Variants in PLCB3 observed in about 807,000 individuals in gnomAD.
The protein encoded by PLCB3 is 1-phosphatidylinositol 4,5-bisphosphate phosphodiesterase beta-3.
Under a neutral mutation model 152.1 loss-of-function variants are expected in PLCB3, and 54 were observed. The ratio of observed to expected loss-of-function variants is 0.36; its 90% CI spans 0.29 to 0.45. The LOEUF (loss-of-function observed/expected upper bound fraction) is 0.45. Ranked by LOEUF, PLCB3 falls within the 20% of genes least tolerant of loss-of-function variation. The pLI is 1.00. For missense variants in PLCB3, 1,248 were observed against 1,687.5 expected (o/e 0.74, Z 4.56); for synonymous variants, 717 against 698.7 (o/e 1.03, Z -0.41).
chr11:64,266,763 C>T lies in PLCB3; in HGVS notation c.3414+211C>T, dbSNP rs2032143090. ...TTGGCGTCCTTGGGCCCAGTCCTCT[C>T]ACAACCCTGATACATTGCCCTGGGA... is the stretch of plus-strand genomic sequence containing the variant. On this transcript the variant is annotated intron_variant, in intron 29 of 30. Transcript: ENST00000279230. This position sits in a 1 kb window ranked among gnomAD's most constrained non-coding sequence, Gnocchi z 4.9. Among the ~76,000 whole-genome samples the T allele has an allele frequency of 6.6e-6, 1 of 152,166 alleles. No homozygotes were observed. Among genetic ancestry groups the T allele is most frequent in the South Asian group, 2.1e-4 (1 of 4,836 alleles).
chr11:64,262,692 G>A lies in PLCB3; in HGVS notation c.2239G>A (p.Val747Met). The change falls in exon 19 of 31, where the codon GTG becomes ATG. Residue 747 changes from valine (V) to methionine (M), a missense_variant. This residue lies in a region of PLCB3 where 244 missense variants were observed against 424.4 expected (regional missense o/e 0.57). Transcript: ENST00000279230. Reference protein sequence around the residue: ...FLSDRKVGIYVEVDMFGLPVD... With the variant: ...FLSDRKVGIYMEVDMFGLPVD... The stretch of plus-strand genomic sequence containing the variant: ...GTCCGACAGGAAGGTGGGCATCTAC[G>A]TGGAGGTGGACATGTTTGGCCTCCC... 6.2e-7 allele frequency: 1 copy of A among 1,613,976 alleles called. No homozygotes were observed.
At chr11:64,261,352 C>G (rs1388364101) in intron 14 of PLCB3, 48 bp from the exon 15 acceptor site, 1 of 1,379,116 alleles carries the variant, frequency 7.3e-7, no homozygotes, top group South Asian at 1.2e-5. Flanking sequence ...GAGGGAATGG[C>G]CAGCTGTGGC....
rs772973419 is a variant in PLCB3, at chr11:64,262,510, C to G, written c.2142C>G (p.Pro714=). ...FMRRPDKSFD[P]FTEVIVDGIV... ...GGCGGCCGGACAAGTCCTTCGACCC[C>G]TTCACTGAGGTCATCGTGGATGGCA... The change falls in exon 18 of 31, where the codon CCC becomes CCG. Residue 714 remains proline (P), a synonymous_variant. Transcript: ENST00000279230. 8 of 1,614,038 alleles carry G rather than the reference C, an allele frequency of 5.0e-6. No homozygotes were observed. Among genetic ancestry groups the G allele is most frequent in the Non-Finnish European group, 6.8e-6 (8 of 1,180,022 alleles).
At position 64,267,327 on chromosome 11, in the gene PLCB3, C is replaced by T. The variant is rs1194062469; in HGVS notation, c.3502-26C>T. The T allele has an allele frequency of 1.9e-6, 3 of 1,550,112 alleles. No homozygotes were observed. In the South Asian group the frequency reaches 3.6e-5, roughly 18 times the overall value. ...GGGGTGCAAGGCAGCCAGGCCTCGC[C>T]TGTGATGCCCATCCTTCTCCCACAG... On this transcript the variant is annotated intron_variant, in intron 30 of 30. Coordinates refer to ENST00000279230, the MANE Select transcript of PLCB3 (RefSeq NM_000932.5). This position sits in a 1 kb window ranked among gnomAD's most constrained non-coding sequence, Gnocchi z 5.2.
At chr11:64,254,596 C>A in intron 2 of PLCB3, 104 bp downstream of exon 2, 1 of 1,367,338 alleles carries the variant, frequency 7.3e-7, no homozygotes, top group Non-Finnish European at 1.0e-6. Flanking sequence ...ACCTCTCCCA[C>A]TGCTGCCCAG....
At position 64,262,756 on chromosome 11, in the gene PLCB3, A is replaced by G. The variant is rs1223995593; in HGVS notation, c.2303A>G (p.Gln768Arg). Residue 768 changes from glutamine (Q) to arginine (R), a missense_variant, in exon 19 of 31, where the codon CAG becomes CGG. Gln to Arg is a conservative substitution (Grantham distance 43). Coordinates refer to ENST00000279230, the MANE Select transcript of PLCB3 (RefSeq NM_000932.5). Reference protein sequence around the residue: ...TRRKYRTRTSQGNSFNPVWDE... With the variant: ...TRRKYRTRTSRGNSFNPVWDE... ...CGCAAGTACCGCACCCGGACCTCTC[A>G]GGGGAACTCGTTCAACCCCGTGTGG... The G allele has an allele frequency of 6.2e-7, 1 of 1,613,732 alleles. No individual in the cohort carries two copies. The highest frequency in any genetic ancestry group is 8.5e-7 in the Non-Finnish European group (1 of 1,179,928).
chr11:64,255,730 A>G lies in PLCB3; in HGVS notation c.607A>G (p.Ile203Val). Residue 203 changes from isoleucine (I) to valine (V), a missense_variant, in exon 8 of 31, where the codon ATC (isoleucine) becomes GTC (valine). Physicochemically the swap from Ile to Val is conservative, Grantham distance 29. This residue lies in a region of PLCB3 where 299 missense variants were observed against 434.7 expected (regional missense o/e 0.69). Transcript: ENST00000279230. This position sits in a 1 kb window ranked among gnomAD's most constrained non-coding sequence, Gnocchi z 6.8. ...CGLKFNRSES[I>V]RPDEFSLEIF... ...ACTCCTCGACCTCCAGAGTGAGTCC[A>G]TCCGGCCTGATGAGTTTTCCTTGGA... 3.1e-6 allele frequency: 5 copies of G among 1,613,954 alleles called. No individual in the cohort carries two copies. Among genetic ancestry groups the G allele is most frequent in the Non-Finnish European group, 4.2e-6 (5 of 1,179,932 alleles).
In PLCB3 at chr11:64,267,429, G is replaced by C. The variant is rs374705748; in HGVS notation, c.3578G>C (p.Gly1193Ala). ...LPQEIRRSLLGEMPEGLGDGP... is the reference protein window; with the variant it reads ...LPQEIRRSLLAEMPEGLGDGP... ...CAGGAGATCCGCCGGAGCCTGCTGG[G>C]CGAGATGCCGGAGGGGCTGGGGGAC... Residue 1193 changes from glycine to alanine, a missense_variant, in exon 31 of 31, where the codon GGC becomes GCC. Gly to Ala is a moderately conservative substitution (Grantham distance 60). Around this residue, in one of 6 missense-constraint regions of PLCB3, gnomAD observed 477 missense variants for 489.6 expected, o/e 0.97. Coordinates refer to ENST00000279230, the MANE Select transcript of PLCB3 (RefSeq NM_000932.5). The surrounding 1 kb of genome is among the most constrained non-coding windows in gnomAD (Gnocchi z 5.2). 1 of 1,545,642 alleles carries C rather than the reference G, an allele frequency of 6.5e-7. No individual in the cohort carries two copies. The highest frequency in any genetic ancestry group is 1.4e-5 in the African/African-American group (1 of 73,274).
Position 64,260,029 on chromosome 11 carries a change from G to A in PLCB3, c.1526G>A (p.Gly509Glu), listed in dbSNP as rs750473868. 2 of 1,610,044 alleles carry A rather than the reference G, an allele frequency of 1.2e-6. No individual in the cohort carries two copies. The highest frequency in any genetic ancestry group is 1.7e-6 in the Non-Finnish European group (2 of 1,178,960). The change falls in exon 14 of 31, where the codon GGG becomes GAG. Residue 509 changes from glycine (G) to glutamate (E), a missense_variant and splice_region_variant. By Grantham distance (98) the Gly-to-Glu change is moderately conservative. This residue lies in a region of PLCB3 where 105 missense variants were observed against 100.9 expected (regional missense o/e 1.04). Coordinates refer to ENST00000279230, the MANE Select transcript of PLCB3 (RefSeq NM_000932.5). ...CACCCTGTGGCCCTGTCCTCTGCAG[G>A]GTCTCCCAGCTCTGACAGCTGCCCA... is the stretch of plus-strand genomic sequence containing the variant. ...AATEPSSPQL[G>E]SPSSDSCPGL...
At chr11:64,263,279 T>G in intron 19 of PLCB3, 1 of 550,606 alleles carries the variant, frequency 1.8e-6, no homozygotes, top group Non-Finnish European at 3.2e-6. Context: ...TGGCTGCCTG[T>G]CATCTTGCCT....
intron 13 of PLCB3, 50 bp downstream of exon 13, chr11:64,259,294 T>G (rs1295371475): frequency 7.3e-7 from 1 of 1,377,096 alleles, no homozygotes. Context: ...GCCTCTGGCC[T>G]CATGCTCCAG....
Position 64,265,216 on chromosome 11 carries a change from G to T in PLCB3, c.2831G>T (p.Ser944Ile). 2 of 1,599,812 alleles carry T rather than the reference G, an allele frequency of 1.3e-6. No homozygotes were observed. Among genetic ancestry groups the T allele is most frequent in the South Asian group, 2.2e-5 (2 of 89,148 alleles). ...SPGQRDDLIASILSEVAPTPL... is the reference protein window; with the variant it reads ...SPGQRDDLIAIILSEVAPTPL... ...GGGCAGCGTGATGATCTCATCGCCA[G>T]CATCCTCTCAGGTAGGGGGCGGGGT... The change falls in exon 24 of 31, where the codon AGC (serine) becomes ATC (isoleucine). Residue 944 changes from serine to isoleucine, a missense_variant. Physicochemically the swap from Ser to Ile is moderately radical, Grantham distance 142. Around this residue, in one of 6 missense-constraint regions of PLCB3, gnomAD observed 477 missense variants for 489.6 expected, o/e 0.97. Transcript: ENST00000279230.
intron 16 of PLCB3, 129 bp downstream of exon 16, chr11:64,261,794 C>A: frequency 1.4e-6 from 2 of 1,422,912 alleles, no homozygotes; most frequent in Non-Finnish European, 2.0e-6. Flanking sequence ...TGCACCCTGG[C>A]CTGGGGCTTG....
In PLCB3 at chr11:64,254,484, C is replaced by G; in HGVS notation, c.169C>G (p.Pro57Ala). The change falls in exon 2 of 31, where the codon CCC (proline) becomes GCC (alanine). Residue 57 changes from proline (P) to alanine (A), a missense_variant. Physicochemically the swap from Pro to Ala is conservative, Grantham distance 27. This residue lies in a region of PLCB3 where 299 missense variants were observed against 434.7 expected (regional missense o/e 0.69). Transcript: ENST00000279230. The part of the protein sequence containing the change: ...PNGFFLYWTG[P>A]NMEVDTLDIS... ...TGGCTTCTTCTTGTACTGGACGGGCCCCAACATGGTGAGGGTGGGCGCTGG... is the reference window on the plus strand; with the variant it reads ...TGGCTTCTTCTTGTACTGGACGGGCGCCAACATGGTGAGGGTGGGCGCTGG... 1 of 1,613,764 alleles carries G rather than the reference C, an allele frequency of 6.2e-7. No individual in the cohort carries two copies. Among genetic ancestry groups the G allele is most frequent in the Non-Finnish European group, 8.5e-7 (1 of 1,179,874 alleles).
At chr11:64,254,323 G>A in intron 1 of PLCB3, 92 bp from the exon 2 acceptor site, 1 of 1,020,404 alleles carries the variant, frequency 9.8e-7, no homozygotes. Context: ...TCATGGGCAG[G>A]AACTCTGGGG....
Position 64,261,932 on chromosome 11 carries a change from C to G in PLCB3, c.1914-20C>G. On this transcript the variant is annotated intron_variant, in intron 16 of 30. Coordinates refer to ENST00000279230, the MANE Select transcript of PLCB3 (RefSeq NM_000932.5). ...GGGGTGGGCCCTGGCACCTGTGTGG[C>G]CCCTGACCACCAATCTCAGATACAA... 6.2e-7 allele frequency: 1 copy of G among 1,613,748 alleles called. No homozygotes were observed. The highest frequency in any genetic ancestry group is 8.5e-7 in the Non-Finnish European group (1 of 1,179,730).
chr11:64,256,386 G>C lies in PLCB3; in HGVS notation c.709G>C (p.Gly237Arg). The C allele has an allele frequency of 6.2e-7, 1 of 1,613,290 alleles. No homozygotes were observed. Among genetic ancestry groups the C allele is most frequent in the Non-Finnish European group, 8.5e-7 (1 of 1,179,972 alleles). Residue 237 changes from glycine to arginine, a missense_variant, in exon 9 of 31, where the codon GGC becomes CGC. Physicochemically the swap from Gly to Arg is moderately radical, Grantham distance 125. Transcript: ENST00000279230. ...TCCTGTCCCCTCCAGAGGCGCCAAG[G>C]GCAAGCCATACCTGACGCTGGAGCA... is the stretch of plus-strand genomic sequence containing the variant. ...DKILLEIGAK[G>R]KPYLTLEQLM...
Position 64,267,344 on chromosome 11 carries a change from C to T in PLCB3, c.3502-9C>T, listed in dbSNP as rs1490462547. On this transcript the variant is annotated splice_polypyrimidine_tract_variant and intron_variant, in intron 30 of 30. Coordinates refer to ENST00000279230, the MANE Select transcript of PLCB3 (RefSeq NM_000932.5). The surrounding 1 kb of genome is among the most constrained non-coding windows in gnomAD (Gnocchi z 5.2). ...GGCCTCGCCTGTGATGCCCATCCTT[C>T]TCCCACAGCTGCTGGCCCAGCTGGC... The T allele has an allele frequency of 3.4e-5, 53 of 1,548,056 alleles. No individual in the cohort carries two copies. The highest frequency in any genetic ancestry group is 4.6e-5 in the Non-Finnish European group (53 of 1,144,596).
rs534361390 is a variant in PLCB3, at chr11:64,258,368, T to A, written c.1013-105T>A. On this transcript the variant is annotated intron_variant, in intron 10 of 30. Coordinates refer to ENST00000279230, the MANE Select transcript of PLCB3 (RefSeq NM_000932.5). This position sits in a 1 kb window ranked among gnomAD's most constrained non-coding sequence, Gnocchi z 7.2. ...AGGTGGTGGGTATCCATCTGAGAGA[T>A]GGAGAGCCCTCTGCAAATCCAGCAT... 2.3e-6 allele frequency: 3 copies of A among 1,307,362 alleles called. No homozygotes were observed. In the African/African-American group the frequency reaches 4.4e-5, roughly 19 times the overall value. The allele number at this position is 1,307,362 out of a possible 1,614,324, so 81.0% of individuals were successfully genotyped here.
Sources: gnomAD v4.1 joint callset for allele counts (sites outside exome capture counted in the v4.1 genomes callset) on GRCh38, gnomAD v4.1.1 for gene constraint, gnomAD v4.1.1 regional missense constraint, Gnocchi (gnomAD v3.1) non-coding constraint, MANE v1.5 for transcripts, NCBI Gene and HGNC (gene_info 2026-07-23, HGNC 2026-07-21) for gene names.